The following CYTH3 variants were observed in gnomAD, a reference collection of about 807,000 sequenced individuals.
CYTH3 encodes the protein cytohesin-3.
In CYTH3, 23 loss-of-function variants were observed where a neutral mutation model predicts 55.1. The observed-to-expected ratio is 0.42, with a 90% CI of 0.30 to 0.59. CYTH3 has a LOEUF of 0.59. Among genes scored for constraint, CYTH3 ranks in the 20% least tolerant of loss-of-function variants. The pLI, the probability that CYTH3 is intolerant of heterozygous loss-of-function variation, is 0.20. For missense variants in CYTH3, 413 were observed against 524.8 expected (o/e 0.79, Z 2.08); for synonymous variants, 249 against 194.9 (o/e 1.28, Z -2.31).
intron 1 of CYTH3, among the ~76,000 whole-genome samples, chr7:6,264,162 G>A (rs1583208237): frequency 1.3e-5 from 2 of 151,960 alleles, no homozygotes; most frequent in East Asian, 3.9e-4. Flanking sequence ...CAGAAGAATC[G>A]CTTGAATCCA....
chr7:6,170,201 CGA>C lies in CYTH3; in HGVS notation c.823+332_823+333del. On this transcript the variant is annotated intron_variant, in intron 9 of 12. Transcript: ENST00000350796. This position sits in a 1 kb window ranked among gnomAD's most constrained non-coding sequence, Gnocchi z 7.8. ...GTCAAAAATCACAGCCACACCAAAC[CGA>C]GAGAGGCACACAGGCTCTGTGGAGA... 3.5e-6 allele frequency: 1 copy of C among 285,940 alleles called. No homozygotes were observed. The highest frequency in any genetic ancestry group is 4.7e-5 in the Admixed American group (1 of 21,160). The allele number at this position is 285,940 out of a possible 1,614,324, so 17.7% of individuals were successfully genotyped here.
At chr7:6,175,612 A>G (rs1197038309) in intron 5 of CYTH3, among the ~76,000 whole-genome samples, 1 of 132,650 alleles carries the variant, frequency 7.5e-6, no homozygotes, top group Admixed American at 8.6e-5. Flanking sequence ...CAATAACATG[A>G]TTTTGACAAA....
At chr7:6,165,926 A>AG (rs1782987574) in intron 9 of CYTH3, 116 bp from the exon 10 acceptor site, 1 of 1,021,934 alleles carries the variant, frequency 9.8e-7, no homozygotes, top group Admixed American at 2.2e-5. Flanking sequence ...ACCAGGCGCC[A>AG]GGCTTGGGTT....
At chr7:6,195,517 C>G (rs1459365471) in intron 1 of CYTH3, among the ~76,000 whole-genome samples, 2 of 152,166 alleles carry the variant, frequency 1.3e-5, no homozygotes, top group Non-Finnish European at 2.9e-5. Flanking sequence ...TACAATGGCA[C>G]GATCTGGGCT....
chr7:6,237,287 CTA>C (rs1779548234), intron 1 of CYTH3, among the ~76,000 whole-genome samples: 1 of 152,188 alleles, frequency 6.6e-6, no homozygotes, highest in African/African-American at 2.4e-5. Context: ...ACAGTCTGAG[CTA>C]TGTTAGTTTT....
At chr7:6,213,309 G>A (rs568645219) in intron 1 of CYTH3, among the ~76,000 whole-genome samples, 2 of 152,266 alleles carry the variant, frequency 1.3e-5, no homozygotes, top group Non-Finnish European at 2.9e-5. Flanking sequence ...CGGTCTTCGT[G>A]AATTCCTGAA....
intron 1 of CYTH3, among the ~76,000 whole-genome samples, chr7:6,256,313 C>T (rs1230704177): frequency 6.6e-6 from 1 of 152,222 alleles, no homozygotes; most frequent in Admixed American, 6.5e-5. Context: ...AGAGCACACT[C>T]CCATTTGTGG....
In CYTH3 at chr7:6,166,009, G is replaced by A. The variant is rs915313363; in HGVS notation, c.824-199C>T. Among the ~76,000 whole-genome samples, 9 of 152,312 alleles carry A rather than the reference G, an allele frequency of 5.9e-5. No individual in the cohort carries two copies. The South Asian group carries it at 8.3e-4, about 14-fold the overall frequency. On this transcript the variant is annotated intron_variant, in intron 9 of 12. Coordinates refer to ENST00000350796, the MANE Select transcript of CYTH3 (RefSeq NM_004227.4). The stretch of plus-strand genomic sequence containing the variant: ...CCGCCCACACCGGCGCCCCCTCCAC[G>A]GCACTGATGGGCCCCTTGATGACAC...
At chr7:6,259,813 AATATATATATATATATATATTT>A (rs1780295056) in intron 1 of CYTH3, among the ~76,000 whole-genome samples, 1 of 25,454 alleles carries the variant, frequency 3.9e-5, no homozygotes, top group Admixed American at 7.1e-4. Context: ...ATATATATAT[AATATATATATATATATATATTT>A]TTTTTTTTTT....
At chr7:6,256,470 C>G (rs1372316681) in intron 1 of CYTH3, among the ~76,000 whole-genome samples, 1 of 152,202 alleles carries the variant, frequency 6.6e-6, no homozygotes, top group Admixed American at 6.5e-5. Flanking sequence ...CTTAACAAGA[C>G]TTCTGAAGTA....
intron 9 of CYTH3, among the ~76,000 whole-genome samples, chr7:6,168,455 G>C (rs545149413): frequency 4.6e-4 from 70 of 152,162 alleles, no homozygotes; most frequent in African/African-American, 1.4e-3. Flanking sequence ...CACCCATCTC[G>C]TCTGCCTCCA....
intron 1 of CYTH3, among the ~76,000 whole-genome samples, chr7:6,224,426 A>T (rs1046938435): frequency 2.6e-5 from 4 of 152,254 alleles, no homozygotes; most frequent in Non-Finnish European, 4.4e-5. Flanking sequence ...GTGCTGGGAC[A>T]ACTGGACATC....
chr7:6,188,389 G>A (rs888209152), intron 2 of CYTH3, among the ~76,000 whole-genome samples: 1 of 151,588 alleles, frequency 6.6e-6, no homozygotes, highest in African/African-American at 2.4e-5. Flanking sequence ...GGAAAGCCAT[G>A]AGTCCTCAGT....
At chr7:6,249,308 T>C (rs1398657435) in intron 1 of CYTH3, among the ~76,000 whole-genome samples, 1 of 152,234 alleles carries the variant, frequency 6.6e-6, no homozygotes, top group Non-Finnish European at 1.5e-5. Flanking sequence ...TAAAAAGCTT[T>C]ACTTGGGGTG....
Position 6,269,309 on chromosome 7 carries a change from G to T in CYTH3, c.34+3165C>A, listed in dbSNP as rs1012399039. Among the ~76,000 whole-genome samples the T allele has an allele frequency of 3.9e-5, 6 of 152,184 alleles. No individual in the cohort carries two copies. In the South Asian group the frequency reaches 6.2e-4, roughly 16 times the overall value. ...ATATTTCAAACTTGAAACAGACTTT[G>T]TATACTTGGGGGTTATCACCTGTCT... On this transcript the variant is annotated intron_variant, in intron 1 of 12. Coordinates refer to ENST00000350796, the MANE Select transcript of CYTH3 (RefSeq NM_004227.4).
intron 1 of CYTH3, among the ~76,000 whole-genome samples, chr7:6,229,330 A>C (rs1050813814): frequency 6.6e-6 from 1 of 152,216 alleles, no homozygotes; most frequent in Non-Finnish European, 1.5e-5. Context: ...AAGAAATTAT[A>C]CTTCACTGAT....
At chr7:6,259,891 C>A (rs1450898411) in intron 1 of CYTH3, among the ~76,000 whole-genome samples, 1 of 128,282 alleles carries the variant, frequency 7.8e-6, no homozygotes, top group Non-Finnish European at 1.6e-5. Context: ...AGAGCAATGG[C>A]GTGATCTCGG....
intron 1 of CYTH3, among the ~76,000 whole-genome samples, chr7:6,234,834 T>C (rs541134478): frequency 6.6e-6 from 1 of 152,302 alleles, no homozygotes; most frequent in Admixed American, 6.5e-5. Context: ...TTCCTGCTAA[T>C]TGGTAATAAG....
chr7:6,255,092 G>A (rs1206850230), intron 1 of CYTH3, among the ~76,000 whole-genome samples: 1 of 152,114 alleles, frequency 6.6e-6, no homozygotes, highest in Non-Finnish European at 1.5e-5. Flanking sequence ...TACAATCGTC[G>A]AGATTTTTGA....
Sources: gnomAD v4.1 joint callset for allele counts (sites outside exome capture counted in the v4.1 genomes callset) on GRCh38, gnomAD v4.1.1 for gene constraint, Gnocchi (gnomAD v3.1) non-coding constraint, MANE v1.5 for transcripts, NCBI Gene and HGNC (gene_info 2026-07-23, HGNC 2026-07-21) for gene names.